Variants in FASTKD2 observed in about 807,000 individuals in gnomAD.
The protein encoded by FASTKD2 is FAST kinase domains 2.
A neutral mutation model predicts 63.6 loss-of-function variants in FASTKD2; 51 were observed. The ratio of observed to expected loss-of-function variants is 0.80; its 90% CI spans 0.64 to 1.01. The LOEUF (loss-of-function observed/expected upper bound fraction) is 1.01, where lower values mean the gene tolerates loss of function less well. Among genes scored for constraint, FASTKD2 ranks in the 50% least tolerant of loss-of-function variants. FASTKD2 has a pLI of 0.00. For synonymous variants in FASTKD2, 284 were observed against 293.4 expected, an observed-to-expected ratio of 0.97 and a Z score of 0.33; for missense variants, 786 against 831.1, an observed-to-expected ratio of 0.95 and a Z score of 0.67.
intron 2 of FASTKD2, 63 bp from the exon 3 acceptor site, chr2:206,770,028 T>C: frequency 9.6e-7 from 1 of 1,046,894 alleles, no homozygotes; most frequent in Non-Finnish European, 1.5e-6. Context: ...GTGGTTTTGC[T>C]TGGGTAAGAT....
chr2:206,788,162 G>C lies in FASTKD2; in HGVS notation c.1813+7G>C. The C allele has an allele frequency of 6.5e-7, 1 of 1,527,312 alleles. No homozygotes were observed. The highest frequency in any genetic ancestry group is 2.3e-5 in the East Asian group (1 of 42,830). The allele number at this position is 1,527,312 out of a possible 1,614,324, so 94.6% of individuals were successfully genotyped here. ...CCACACAATTATCATATTGGTATGG[G>C]ACATTATATGATTTCCTTTCATTTT... On this transcript the variant is annotated splice_region_variant and intron_variant, in intron 9 of 11. Transcript: ENST00000402774.
At chr2:206,783,277 G>C (rs544646499) in intron 7 of FASTKD2, 6 of 148,248 alleles carry the variant, frequency 4.0e-5, no homozygotes. Context: ...TTGACAACAG[G>C]CTGCACCGGA....
chr2:206,787,254 C>T lies in FASTKD2; in HGVS notation c.1594+355C>T, dbSNP rs377028157. ...AATCCTTACTTATCACATTTGAAGCCAACCTAAGTCAATTTTTGCAGCTGT... is the reference window on the plus strand; with the variant it reads ...AATCCTTACTTATCACATTTGAAGCTAACCTAAGTCAATTTTTGCAGCTGT... On this transcript the variant is annotated intron_variant, in intron 8 of 11. Coordinates refer to ENST00000402774, the MANE Select transcript of FASTKD2 (RefSeq NM_001136193.2). Among the ~76,000 whole-genome samples the T allele has an allele frequency of 3.3e-5, 5 of 152,214 alleles. No individual in the cohort carries two copies. The East Asian group carries it at 9.6e-4, about 29-fold the overall frequency.
At chr2:206,769,022 G>A (rs112216390) in intron 2 of FASTKD2, among the ~76,000 whole-genome samples, 2,181 of 152,232 alleles carry the variant, frequency 0.014, 52 homozygotes, top group African/African-American at 0.049. Context: ...TATTTGCATC[G>A]GGATGACATC....
At chr2:206,789,165 A>G (rs890263133) in intron 10 of FASTKD2, 6 of 419,876 alleles carry the variant, frequency 1.4e-5, no homozygotes, top group Admixed American at 7.8e-5. Context: ...TAGTTCAATA[A>G]AACAATATTA....
rs1262397172 is a variant in FASTKD2, at chr2:206,792,943, G to A, written c.*1141G>A. Among the ~76,000 whole-genome samples, 1 of 152,126 alleles carries A rather than the reference G, an allele frequency of 6.6e-6. No homozygotes were observed. The highest frequency in any genetic ancestry group is 1.9e-4 in the East Asian group (1 of 5,182). On this transcript the variant is annotated 3_prime_UTR_variant, in exon 12 of 12. Coordinates refer to ENST00000402774, the MANE Select transcript of FASTKD2 (RefSeq NM_001136193.2). ...GGCTTATAAGAAAATACAAAAACTG[G>A]GCTGGGCACGGTGGCTCGTGCTTGT...
rs1259024642 is a variant in FASTKD2, at chr2:206,793,248, A to AAAAAAAAAAAAAAAAAAAAAAAAAAAC, written c.*1449_*1450insAAAAAAAAAAAAAAAAAAAAAAACAAA. ...AAAAAAAAAAAAAAAAAAAAAAAAA[A>AAAAAAAAAAAAAAAAAAAAAAAAAAAC]AAATACAAAAACTATAGCAATATGA... is the stretch of plus-strand genomic sequence containing the variant. On this transcript the variant is annotated 3_prime_UTR_variant, in exon 12 of 12. Transcript: ENST00000402774. Among the ~76,000 whole-genome samples, 1 of 126,558 alleles carries AAAAAAAAAAAAAAAAAAAAAAAAAAAC rather than the reference A, an allele frequency of 7.9e-6. No homozygotes were observed. Among genetic ancestry groups the AAAAAAAAAAAAAAAAAAAAAAAAAAAC allele is most frequent in the African/African-American group, 2.7e-5 (1 of 36,580 alleles). 83.0% of individuals were successfully genotyped at this position (126,558 alleles called of 152,430 possible). A position where few individuals can be genotyped will look rare whatever the true frequency, so the allele number is the denominator to read the frequency against.
At chr2:206,774,525 C>G in intron 7 of FASTKD2, 128 bp downstream of exon 7, 1 of 668,606 alleles carries the variant, frequency 1.5e-6, no homozygotes, top group Non-Finnish European at 2.6e-6. Context: ...ATAAATAAAA[C>G]ATAGTGTTCC....
rs370266154 is a variant in FASTKD2 at position 206,790,706 on chromosome 2, G to A, written c.2013+20G>A. On this transcript the variant is annotated intron_variant, in intron 11 of 11. Transcript: ENST00000402774. The stretch of plus-strand genomic sequence containing the variant: ...ATCTTGGTGAGAAAAAAATGCAAAT[G>A]AAATATTCTTTAATTACTGATGTAC... The A allele has an allele frequency of 3.6e-6, 5 of 1,381,552 alleles. No individual in the cohort carries two copies. In the East Asian group the frequency reaches 9.1e-5, roughly 25 times the overall value. The allele number at this position is 1,381,552 out of a possible 1,614,324, so 85.6% of individuals were successfully genotyped here.
chr2:206,775,735 G>T (rs989153096), intron 7 of FASTKD2, among the ~76,000 whole-genome samples: 2 of 151,972 alleles, frequency 1.3e-5, no homozygotes, highest in South Asian at 4.1e-4. Context: ...ATTCAGCAGT[G>T]AAGCAGTTTG....
At chr2:206,778,324 A>G (rs1368231503) in intron 7 of FASTKD2, among the ~76,000 whole-genome samples, 1 of 151,662 alleles carries the variant, frequency 6.6e-6, no homozygotes, top group Admixed American at 6.6e-5. Flanking sequence ...TCTGCATCCC[A>G]TAATTTTGGG....
chr2:206,787,919 C>G lies in FASTKD2; in HGVS notation c.1595-18C>G. 1 of 1,432,318 alleles carries G rather than the reference C, an allele frequency of 7.0e-7. No individual in the cohort carries two copies. Among genetic ancestry groups the G allele is most frequent in the Non-Finnish European group, 9.8e-7 (1 of 1,015,988 alleles). 88.7% of individuals were successfully genotyped at this position (1,432,318 alleles called of 1,614,324 possible). ...ATTTATTTCTTCTTAATGATATACT[C>G]TCTTTTTCATCTTTTAGATGACATG... On this transcript the variant is annotated intron_variant, in intron 8 of 11. Coordinates refer to ENST00000402774, the MANE Select transcript of FASTKD2 (RefSeq NM_001136193.2).
At position 206,771,233 on chromosome 2, in the gene FASTKD2, A is replaced by G. The variant is rs1295176736; in HGVS notation, c.933A>G (p.Gln311=). 1 of 1,612,360 alleles carries G rather than the reference A, an allele frequency of 6.2e-7. No individual in the cohort carries two copies. Among genetic ancestry groups the G allele is most frequent in the Non-Finnish European group, 8.5e-7 (1 of 1,178,468 alleles). ...VWKIEDVFTL[Q]VVMKCIGKDA... ...AAATAGAAGATGTCTTCACATTACA[A>G]GTTGTGATGAAGTGTATTGGAAAAG... The change falls in exon 4 of 12, where the codon CAA becomes CAG. Residue 311 remains glutamine, a synonymous_variant. Coordinates refer to ENST00000402774, the MANE Select transcript of FASTKD2 (RefSeq NM_001136193.2).
At position 206,790,756 on chromosome 2, in the gene FASTKD2, G is replaced by A. The variant is rs1280641604; in HGVS notation, c.2013+70G>A. On this transcript the variant is annotated intron_variant, in intron 11 of 11. Coordinates refer to ENST00000402774, the MANE Select transcript of FASTKD2 (RefSeq NM_001136193.2). ...CATTCTAACAGCTGCCAGGAATCTT[G>A]TGGTTGAGACTGGTTACTAGGACTA... 6 of 940,904 alleles carry A rather than the reference G, an allele frequency of 6.4e-6. No individual in the cohort carries two copies. In the East Asian group the frequency reaches 1.2e-4, roughly 19 times the overall value. 58.3% of individuals were successfully genotyped at this position (940,904 alleles called of 1,614,324 possible).
chr2:206,791,458 C>T, intron 11 of FASTKD2: 1 of 511,530 alleles, frequency 2.0e-6, no homozygotes, highest in Non-Finnish European at 3.5e-6. Context: ...GCAGTTTTTG[C>T]ACCATTTAGA....
chr2:206,788,003 A>T lies in FASTKD2; in HGVS notation c.1661A>T (p.Tyr554Phe), dbSNP rs767901545. Reference protein sequence around the residue: ...DTCLKLDDTVYLRDIALSLPQ... With the variant: ...DTCLKLDDTVFLRDIALSLPQ... ...TGTCTAAAACTTGATGATACTGTCT[A>T]TCTGAGGGACATAGCCTTGTCACTC... Residue 554 changes from tyrosine to phenylalanine, a missense_variant, in exon 9 of 12, where the codon TAT becomes TTT. Tyr to Phe is a conservative substitution (Grantham distance 22). Coordinates refer to ENST00000402774, the MANE Select transcript of FASTKD2 (RefSeq NM_001136193.2). 6 of 1,613,582 alleles carry T rather than the reference A, an allele frequency of 3.7e-6. No individual in the cohort carries two copies. Among genetic ancestry groups the T allele is most frequent in the Non-Finnish European group, 5.1e-6 (6 of 1,179,726 alleles).
rs771497785 is a variant in FASTKD2, at chr2:206,794,296, A to G, written c.*2494A>G. 2.0e-5 allele frequency among the ~76,000 whole-genome samples: 3 copies of G among 152,236 alleles called. No homozygotes were observed. Among genetic ancestry groups the G allele is most frequent in the Non-Finnish European group, 2.9e-5 (2 of 68,040 alleles). The stretch of plus-strand genomic sequence containing the variant: ...ATGCTCATTTTGTGTGAGATATCCA[A>G]ATATTTTTTTCAGAATCCCTAATGA... On this transcript the variant is annotated 3_prime_UTR_variant, in exon 12 of 12. Coordinates refer to ENST00000402774, the MANE Select transcript of FASTKD2 (RefSeq NM_001136193.2).
chr2:206,775,263 C>T (rs773744376), intron 7 of FASTKD2, among the ~76,000 whole-genome samples: 2 of 151,762 alleles, frequency 1.3e-5, no homozygotes, highest in Non-Finnish European at 2.9e-5. Context: ...TGAAATATAT[C>T]CACAAGTGAG....
chr2:206,772,292 C>T lies in FASTKD2; in HGVS notation c.1226C>T (p.Ala409Val). 1.2e-6 allele frequency: 2 copies of T among 1,614,022 alleles called. No homozygotes were observed. The highest frequency in any genetic ancestry group is 1.7e-6 in the Non-Finnish European group (2 of 1,179,924). ...LFKGLADYVA[A>V]TFDIWKFRKV... ...AAGGGACTTGCAGATTATGTGGCTG[C>T]AACTTTCGACATCTGGAAGTTCAGA... The change falls in exon 6 of 12, where the codon GCA becomes GTA. Residue 409 changes from alanine (A) to valine (V), a missense_variant. Transcript: ENST00000402774.
Sources: allele counts gnomAD v4.1 joint callset (sites outside exome capture counted in the v4.1 genomes callset), GRCh38; gene constraint gnomAD v4.1.1; transcripts MANE v1.5; gene names NCBI Gene and HGNC (gene_info 2026-07-23, HGNC 2026-07-21).